Variants in RTN4R observed in about 807,000 individuals in gnomAD.
RTN4R encodes the protein reticulon 4 receptor, also known as reticulon-4 receptor.
Under a neutral mutation model 27.7 loss-of-function variants are expected in RTN4R, and 4 were observed. The observed-to-expected ratio is 0.14, with a 90% CI of 0.07 to 0.33. The LOEUF (loss-of-function observed/expected upper bound fraction) is 0.33, where lower values mean the gene tolerates loss of function less well. Among genes scored for constraint, RTN4R ranks in the 10% least tolerant of loss-of-function variants. The probability of loss-of-function intolerance (pLI) is 1.00; values close to 1 mark genes in which losing one functional copy is unlikely to be tolerated. For missense variants in RTN4R, 554 were observed against 671.5 expected (o/e 0.83, Z 1.93); for synonymous variants, 290 against 305.6 (o/e 0.95, Z 0.53).
At chr22:20,260,707 G>T (rs1034561591) in intron 1 of RTN4R, among the ~76,000 whole-genome samples, 6 of 152,144 alleles carry the variant, frequency 3.9e-5, no homozygotes, top group African/African-American at 1.4e-4. Context: ...TCTGCCCAAG[G>T]ACCAGTCAGG....
chr22:20,259,274 G>A lies in RTN4R; in HGVS notation c.22+8797C>T, dbSNP rs1031406460. 3.9e-5 allele frequency among the ~76,000 whole-genome samples: 6 copies of A among 152,186 alleles called. No individual in the cohort carries two copies. In the East Asian group the frequency reaches 5.8e-4, roughly 15 times the overall value. ...TGTCTCAGCCATGACGGGTCCTCGC[G>A]GTGACATCCGGGAGGTATGTAGATG... On this transcript the variant is annotated intron_variant, in intron 1 of 1. Coordinates refer to ENST00000043402, the MANE Select transcript of RTN4R (RefSeq NM_023004.6).
Position 20,243,051 on chromosome 22 carries a change from G to A in RTN4R, c.82C>T (p.Pro28Ser). The A allele has an allele frequency of 6.2e-7, 1 of 1,602,152 alleles. No individual in the cohort carries two copies. The highest frequency in any genetic ancestry group is 8.5e-7 in the Non-Finnish European group (1 of 1,179,904). ...LQAWQVAAPC[P>S]GACVCYNEPK... ...TCATTGTAGCATACGCAGGCACCTG[G>A]GCATGGGGCTGCCACCTGCCAGGCC... Residue 28 changes from proline to serine, a missense_variant, in exon 2 of 2, where the codon CCA becomes TCA. By Grantham distance (74) the Pro-to-Ser change is moderately conservative (BLOSUM62 -1). Transcript: ENST00000043402.
intron 1 of RTN4R, among the ~76,000 whole-genome samples, chr22:20,254,167 G>A (rs545074426): frequency 4.6e-5 from 7 of 152,206 alleles, no homozygotes; most frequent in African/African-American, 9.6e-5. Context: ...AGCAGTGCAC[G>A]CCGGTAATCC....
At chr22:20,257,607 T>C (rs2051219178) in intron 1 of RTN4R, among the ~76,000 whole-genome samples, 1 of 152,226 alleles carries the variant, frequency 6.6e-6, no homozygotes, top group Non-Finnish European at 1.5e-5. Context: ...TGTCAGGAAA[T>C]GTGCTTCCGT....
intron 1 of RTN4R, among the ~76,000 whole-genome samples, chr22:20,247,976 C>T (rs114946480): frequency 0.025 from 3,853 of 152,270 alleles, 184 homozygotes; most frequent in African/African-American, 0.088. Flanking sequence ...CTCGTCCCTG[C>T]CCCGTGATGC....
At chr22:20,262,562 T>C (rs1371393946) in intron 1 of RTN4R, among the ~76,000 whole-genome samples, 1 of 152,166 alleles carries the variant, frequency 6.6e-6, no homozygotes, top group Non-Finnish European at 1.5e-5. Context: ...CAGGGGCTGC[T>C]CTAGCCCCTG....
At chr22:20,260,090 C>A (rs559202209) in intron 1 of RTN4R, among the ~76,000 whole-genome samples, 2 of 152,152 alleles carry the variant, frequency 1.3e-5, no homozygotes, top group Non-Finnish European at 2.9e-5. Flanking sequence ...TGGCAGGCCA[C>A]ACTCAAGTCC....
rs2051105844 is a variant in RTN4R, at chr22:20,241,600, C to T, written c.*111G>A. On this transcript the variant is annotated 3_prime_UTR_variant, in exon 2 of 2. Coordinates refer to ENST00000043402, the MANE Select transcript of RTN4R (RefSeq NM_023004.6). Reference sequence around the variant, plus strand: ...GCGGCAGGCGTCCATCAGGGAGGACCTGGCCTGGCCTGCCCCACGGGTCGG... The same window carrying T: ...GCGGCAGGCGTCCATCAGGGAGGACTTGGCCTGGCCTGCCCCACGGGTCGG... The T allele has an allele frequency of 2.4e-6, 3 of 1,227,350 alleles. No individual in the cohort carries two copies. Among genetic ancestry groups the T allele is most frequent in the Non-Finnish European group, 3.5e-6 (3 of 868,188 alleles). The allele number at this position is 1,227,350 out of a possible 1,614,324, so 76.0% of individuals were successfully genotyped here. A position where few individuals can be genotyped will look rare whatever the true frequency, so the allele number is the denominator to read the frequency against.
intron 1 of RTN4R, chr22:20,243,645 G>C (rs1307267145): frequency 7.2e-6 from 3 of 415,044 alleles, no homozygotes; most frequent in Non-Finnish European, 1.0e-5. Context: ...GAGGAGTCGC[G>C]TCCCACAACC....
intron 1 of RTN4R, among the ~76,000 whole-genome samples, chr22:20,261,370 T>G (rs1277599247): frequency 2.0e-5 from 3 of 152,114 alleles, no homozygotes; most frequent in Non-Finnish European, 2.9e-5. Flanking sequence ...GGAAAGGGCG[T>G]GCAAGGGGCC....
intron 1 of RTN4R, among the ~76,000 whole-genome samples, chr22:20,247,946 C>T (rs2051151262): frequency 6.6e-6 from 1 of 152,204 alleles, no homozygotes; most frequent in African/African-American, 2.4e-5. Flanking sequence ...CGGCTCCACT[C>T]TTTGCCCTGG....
At chr22:20,261,519 AG>A (rs1320860553) in intron 1 of RTN4R, among the ~76,000 whole-genome samples, 3 of 152,342 alleles carry the variant, frequency 2.0e-5, no homozygotes, top group South Asian at 2.1e-4. Flanking sequence ...ACGTGCGGAC[AG>A]GGAGGCTCAG....
chr22:20,268,226 C>T lies in RTN4R; in HGVS notation c.-134G>A. ...GGCCCGGCCGCGGGACGAGGCTCGG[C>T]GCGCTCCGCTCCGCCCGGCTCTGGC... On this transcript the variant is annotated 5_prime_UTR_variant, in exon 1 of 2. Transcript: ENST00000043402. 6.1e-6 allele frequency: 1 copy of T among 164,202 alleles called. No individual in the cohort carries two copies. The highest frequency in any genetic ancestry group is 9.3e-6 in the Non-Finnish European group (1 of 107,412). 10.2% of individuals were successfully genotyped at this position (164,202 alleles called of 1,614,324 possible).
At chr22:20,260,723 G>C (rs1050027514) in intron 1 of RTN4R, among the ~76,000 whole-genome samples, 1 of 151,790 alleles carries the variant, frequency 6.6e-6, no homozygotes, top group Non-Finnish European at 1.5e-5. Context: ...TCAGGGACGA[G>C]GCATCCTCTC....
chr22:20,267,278 G>C (rs1023015269), intron 1 of RTN4R, among the ~76,000 whole-genome samples: 3 of 152,240 alleles, frequency 2.0e-5, no homozygotes, highest in Admixed American at 2.0e-4. Context: ...CGGCACCATG[G>C]ACATCAGCAG....
chr22:20,256,217 T>C (rs1002843676), intron 1 of RTN4R, among the ~76,000 whole-genome samples: 6 of 152,166 alleles, frequency 3.9e-5, no homozygotes, highest in Non-Finnish European at 7.4e-5. Context: ...AGCATCTCTG[T>C]CTGGGACCCA....
chr22:20,268,082 G>A lies in RTN4R; in HGVS notation c.11C>T (p.Ala4Val), dbSNP rs1177692275. 1.3e-5 allele frequency: 15 copies of A among 1,191,976 alleles called. No homozygotes were observed. The Admixed American group carries it at 2.6e-4, about 20-fold the overall frequency. The allele number at this position is 1,191,976 out of a possible 1,614,324, so 73.8% of individuals were successfully genotyped here. ...GCGCGGACACTCACCTCCAGCGGACGCCCTCTTCATCGTAGGGGTTGGGCG... is the reference window on the plus strand; with the variant it reads ...GCGCGGACACTCACCTCCAGCGGACACCCTCTTCATCGTAGGGGTTGGGCG... Reference protein sequence around the residue: MKRASAGGSRLLAW... With the variant: MKRVSAGGSRLLAW... The change falls in exon 1 of 2, where the codon GCG becomes GTG. Residue 4 changes from alanine to valine, a missense_variant. Around this residue, in one of 2 missense-constraint regions of RTN4R, gnomAD observed 413 missense variants for 542.3 expected, o/e 0.76. Transcript: ENST00000043402.
intron 1 of RTN4R, among the ~76,000 whole-genome samples, chr22:20,254,671 G>T (rs2051202074): frequency 6.6e-6 from 1 of 151,866 alleles, no homozygotes; most frequent in Non-Finnish European, 1.5e-5. Context: ...CCAAAATGAG[G>T]TGCAAACCCA....
chr22:20,256,039 G>A (rs959052807), intron 1 of RTN4R, among the ~76,000 whole-genome samples: 9 of 152,178 alleles, frequency 5.9e-5, no homozygotes, highest in South Asian at 2.1e-4. Flanking sequence ...AACTGTTGTC[G>A]GCTTCTCATC....
Sources: allele counts gnomAD v4.1 joint callset (sites outside exome capture counted in the v4.1 genomes callset), GRCh38; gene constraint gnomAD v4.1.1; regional missense constraint gnomAD v4.1.1; transcripts MANE v1.5; gene names NCBI Gene and HGNC (gene_info 2026-07-23, HGNC 2026-07-21).